Variants in SLC24A3 observed in about 807,000 individuals in gnomAD.
The protein encoded by SLC24A3 is sodium/potassium/calcium exchanger 3.
In SLC24A3, 28 loss-of-function variants were observed where a neutral mutation model predicts 75.8. That is an observed-to-expected ratio of 0.37 (90% CI 0.27 to 0.51). The LOEUF (loss-of-function observed/expected upper bound fraction) is 0.51. Ranked by LOEUF, SLC24A3 falls within the 20% of genes least tolerant of loss-of-function variation. The probability of loss-of-function intolerance (pLI) is 0.94; values close to 1 mark genes in which losing one functional copy is unlikely to be tolerated. For synonymous variants in SLC24A3, 372 were observed against 334.1 expected, an observed-to-expected ratio of 1.11 and a Z score of -1.24; for missense variants, 663 against 847.8, an observed-to-expected ratio of 0.78 and a Z score of 2.71.
chr20:19,628,960 A>G (rs1044474579), intron 6 of SLC24A3, among the ~76,000 whole-genome samples: 14 of 129,418 alleles, frequency 1.1e-4, no homozygotes, highest in African/African-American at 3.2e-4. Context: ...CGTAAGACAT[A>G]CAAAACAACA....
At chr20:19,584,066 G>T (rs1265240443) in intron 4 of SLC24A3, among the ~76,000 whole-genome samples, 2 of 152,352 alleles carry the variant, frequency 1.3e-5, no homozygotes, top group East Asian at 3.9e-4. Flanking sequence ...TTGACTGCCA[G>T]GAGGGAACTG....
intron 2 of SLC24A3, among the ~76,000 whole-genome samples, chr20:19,349,023 C>T (rs562423981): frequency 6.6e-6 from 1 of 152,284 alleles, no homozygotes; most frequent in East Asian, 1.9e-4. Flanking sequence ...TCCTGGAGTG[C>T]TTGTTCCTTT....
intron 1 of SLC24A3, among the ~76,000 whole-genome samples, chr20:19,270,043 TGTCCAGCCTGATTGGGA>T (rs1875692370): frequency 6.6e-6 from 1 of 152,228 alleles, no homozygotes; most frequent in African/African-American, 2.4e-5. Context: ...GGGGCTGCTC[TGTCCAGCCTGATTGGGA>T]GTCCCTGGGA....
intron 2 of SLC24A3, among the ~76,000 whole-genome samples, chr20:19,511,115 A>C (rs1988528976): frequency 6.6e-6 from 1 of 151,978 alleles, no homozygotes; most frequent in Non-Finnish European, 1.5e-5. Flanking sequence ...GTCTCCCAGC[A>C]AGCTTGAGAC....
intron 2 of SLC24A3, among the ~76,000 whole-genome samples, chr20:19,324,118 G>A (rs6045997): frequency 5.3e-5 from 8 of 152,106 alleles, no homozygotes; most frequent in African/African-American, 1.9e-4. Context: ...ATGTGGCCTA[G>A]GAACACTTCC....
chr20:19,287,151 G>A (rs1300328091), intron 2 of SLC24A3, among the ~76,000 whole-genome samples: 1 of 152,256 alleles, frequency 6.6e-6, no homozygotes, highest in African/African-American at 2.4e-5. Context: ...CTTTCTCATG[G>A]AATGTTCTAG....
chr20:19,617,834 A>G (rs111832078), intron 6 of SLC24A3, among the ~76,000 whole-genome samples: 6,772 of 152,222 alleles, frequency 0.044, 531 homozygotes, highest in African/African-American at 0.15. Context: ...TTTCCAGTCC[A>G]CGGTTCAGAC....
intron 1 of SLC24A3, among the ~76,000 whole-genome samples, chr20:19,222,736 TTCCC>T (rs1163656913): frequency 1.3e-5 from 2 of 150,842 alleles, no homozygotes; most frequent in Non-Finnish European, 3.0e-5. Flanking sequence ...CCTTCCTTCC[TTCCC>T]TCCCTCCCTC....
rs559147143 is a variant in SLC24A3 at position 19,550,160 on chromosome 20, A to G, written c.349-29840A>G. Among the ~76,000 whole-genome samples, 17 of 152,338 alleles carry G rather than the reference A, an allele frequency of 1.1e-4. No homozygotes were observed. In the South Asian group the frequency reaches 1.9e-3, roughly 17 times the overall value. On this transcript the variant is annotated intron_variant, in intron 3 of 16. Transcript: ENST00000328041. ...CATTTACTAAATTTGGTCATAAAAA[A>G]TGTTCTGAAACTTACTTTCTGTATG...
chr20:19,482,696 A>G (rs566775760), intron 2 of SLC24A3, among the ~76,000 whole-genome samples: 1 of 152,276 alleles, frequency 6.6e-6, no homozygotes, highest in South Asian at 2.1e-4. Flanking sequence ...CCATTGGAGG[A>G]TTGTTCTTTC....
At chr20:19,392,549 C>A (rs138882701) in intron 2 of SLC24A3, among the ~76,000 whole-genome samples, 2 of 152,132 alleles carry the variant, frequency 1.3e-5, no homozygotes, top group African/African-American at 4.8e-5. Context: ...GCTGACCAAG[C>A]AAGATTTCTC....
In SLC24A3 at chr20:19,583,855, A is replaced by G. The variant is rs935926745; in HGVS notation, c.424-1116A>G. 1.1e-4 allele frequency among the ~76,000 whole-genome samples: 16 copies of G among 148,698 alleles called. No homozygotes were observed. The East Asian group carries it at 3.5e-3, about 33-fold the overall frequency. ...CATCTTAGGATCTGCTCGGCATCCC[A>G]TGTGAAGCTTCGCTGTCCAGCCGAC... On this transcript the variant is annotated intron_variant, in intron 4 of 16. Transcript: ENST00000328041.
intron 15 of SLC24A3, among the ~76,000 whole-genome samples, chr20:19,714,045 TG>T (rs2033017429): frequency 6.6e-6 from 1 of 152,178 alleles, no homozygotes; most frequent in South Asian, 2.1e-4. Flanking sequence ...GCTGCTGTCG[TG>T]TGAAAATAGC....
At chr20:19,514,004 T>C (rs2122556725) in intron 2 of SLC24A3, among the ~76,000 whole-genome samples, 1 of 152,362 alleles carries the variant, frequency 6.6e-6, no homozygotes, top group South Asian at 2.1e-4. Context: ...TGCTGTACTT[T>C]GGAAGGTGAG....
chr20:19,721,178 C>T lies in SLC24A3; in HGVS notation c.*38C>T, dbSNP rs1432079290. ...CCACAGAGGCTCAGCTCCTTCTTTT[C>T]TGTGCAATACGAGACCCGGCCGCAC... On this transcript the variant is annotated 3_prime_UTR_variant, in exon 17 of 17. Coordinates refer to ENST00000328041, the MANE Select transcript of SLC24A3 (RefSeq NM_020689.4). 2 of 1,611,130 alleles carry T rather than the reference C, an allele frequency of 1.2e-6. No homozygotes were observed. Among genetic ancestry groups the T allele is most frequent in the Non-Finnish European group, 1.7e-6 (2 of 1,179,198 alleles).
chr20:19,214,686 C>A (rs1055940515), intron 1 of SLC24A3, among the ~76,000 whole-genome samples: 2 of 152,088 alleles, frequency 1.3e-5, no homozygotes, highest in African/African-American at 2.4e-5. Context: ...GGAGAGGAGG[C>A]CAGACACTCT....
intron 2 of SLC24A3, among the ~76,000 whole-genome samples, chr20:19,418,524 T>C (rs1227590902): frequency 2.6e-5 from 4 of 151,586 alleles, no homozygotes; most frequent in African/African-American, 7.3e-5. Flanking sequence ...ATAAAAGTTA[T>C]AGAAGCAAAA....
In SLC24A3 at chr20:19,281,128, C is replaced by A. The variant is rs201823661; in HGVS notation, c.271+41C>A. On this transcript the variant is annotated intron_variant, in intron 2 of 16. Transcript: ENST00000328041. ...ACTCATGGGCAGCAGCTGTCATTTT[C>A]TCTGGCTATGGCTGAGGAAGAGCCA... The A allele has an allele frequency of 4.8e-5, 78 of 1,611,226 alleles. No individual in the cohort carries two copies. The African/African-American group carries it at 9.5e-4, about 20-fold the overall frequency.
chr20:19,230,162 G>A (rs1273674157), intron 1 of SLC24A3, among the ~76,000 whole-genome samples: 3 of 151,952 alleles, frequency 2.0e-5, no homozygotes, highest in East Asian at 3.9e-4. Flanking sequence ...GGTCCAGGCC[G>A]GGGGTGTGCC....
Sources: gnomAD v4.1 joint callset for allele counts (sites outside exome capture counted in the v4.1 genomes callset) on GRCh38, gnomAD v4.1.1 for gene constraint, MANE v1.5 for transcripts, NCBI Gene and HGNC (gene_info 2026-07-23, HGNC 2026-07-21) for gene names.